The following SFXN1 variants were observed in gnomAD, a reference collection of about 807,000 sequenced individuals.
The protein encoded by SFXN1 is sideroflexin 1.
SFXN1 carries 32 observed loss-of-function variants against 39.5 expected under a neutral mutation model. That is an observed-to-expected ratio of 0.81 (90% CI 0.61 to 1.09). The LOEUF is 1.09. SFXN1 is among the 50% of genes least tolerant of loss of function. The pLI, the probability that SFXN1 is intolerant of heterozygous loss-of-function variation, is 0.00. For missense variants in SFXN1, 402 were observed against 407.1 expected, an observed-to-expected ratio of 0.99 and a Z score of 0.11; for synonymous variants, 136 against 146.5, an observed-to-expected ratio of 0.93 and a Z score of 0.52.
Position 175,497,873 on chromosome 5 carries a change from T to A in SFXN1, c.164+5606T>A, listed in dbSNP as rs574719008. The stretch of plus-strand genomic sequence containing the variant: ...TGAACCCAGGAGGCGGAGGTTGTAG[T>A]GAGCCGAGATTGCGCCACTGCACTC... On this transcript the variant is annotated intron_variant, in intron 2 of 10. Coordinates refer to ENST00000321442, the MANE Select transcript of SFXN1 (RefSeq NM_022754.7). Among the ~76,000 whole-genome samples the A allele has an allele frequency of 2.6e-3, 380 of 147,000 alleles. 1 individual carries two copies. The highest frequency in any genetic ancestry group is 9.2e-3 in the African/African-American group (364 of 39,510).
At chr5:175,513,358 G>T (rs902972571) in intron 6 of SFXN1, 105 bp from the exon 7 acceptor site, 12 of 1,151,804 alleles carry the variant, frequency 1.0e-5, no homozygotes, top group Non-Finnish European at 1.4e-5. Context: ...ACACTTGAGT[G>T]GGTATTTGAA....
intron 2 of SFXN1, among the ~76,000 whole-genome samples, chr5:175,495,346 G>A (rs1301688714): frequency 6.6e-6 from 1 of 152,194 alleles, no homozygotes; most frequent in Non-Finnish European, 1.5e-5. Flanking sequence ...GTTTTAGTTG[G>A]GGAAGATGAA....
At chr5:175,480,226 C>A (rs1759186229) in intron 1 of SFXN1, among the ~76,000 whole-genome samples, 1 of 152,104 alleles carries the variant, frequency 6.6e-6, no homozygotes, top group Non-Finnish European at 1.5e-5. Flanking sequence ...CCGGTGAAAC[C>A]CCGTCTCTAC....
Position 175,528,936 on chromosome 5 carries a change from T to C in SFXN1, c.*2202T>C, listed in dbSNP as rs1761159496. 1 of 152,224 alleles carries C rather than the reference T, an allele frequency of 6.6e-6. No individual in the cohort carries two copies. The allele number at this position is 152,224 out of a possible 1,614,324, so 9.4% of individuals were successfully genotyped here. A position where few individuals can be genotyped will look rare whatever the true frequency, so the allele number is the denominator to read the frequency against. Reference sequence around the variant, plus strand: ...AGAGTCCTCCCCCTACCAGGTAGTGTGTAGCTCCATTTCAGAATGTTAACC... The same window carrying C: ...AGAGTCCTCCCCCTACCAGGTAGTGCGTAGCTCCATTTCAGAATGTTAACC... On this transcript the variant is annotated 3_prime_UTR_variant, in exon 11 of 11. Coordinates refer to ENST00000321442, the MANE Select transcript of SFXN1 (RefSeq NM_022754.7).
intron 1 of SFXN1, chr5:175,484,077 A>G (rs536826158): frequency 6.6e-6 from 1 of 150,484 alleles, no homozygotes; most frequent in Non-Finnish European, 1.5e-5. Context: ...TGGTTTCATG[A>G]TTATTCCTGT....
At chr5:175,524,144 ATATATATATATATATATATATATATATC>A (rs1561678633) in intron 10 of SFXN1, 5 of 29,930 alleles carry the variant, frequency 1.7e-4, no homozygotes, top group Non-Finnish European at 3.1e-4. Flanking sequence ...ATATATATAT[ATATATATATATATATATATATATATATC>A]TCCAATAAGT....
At chr5:175,519,332 G>T (rs1386859167) in intron 8 of SFXN1, among the ~76,000 whole-genome samples, 1 of 152,202 alleles carries the variant, frequency 6.6e-6, no homozygotes, top group African/African-American at 2.4e-5. Context: ...CTATGATCCA[G>T]CCATTTCCTT....
intron 2 of SFXN1, among the ~76,000 whole-genome samples, chr5:175,504,572 T>TG (rs1269569429): frequency 1.5e-5 from 2 of 131,280 alleles, no homozygotes; most frequent in African/African-American, 6.0e-5. Context: ...AGACTCCATC[T>TG]CAAAAAAAAA....
intron 7 of SFXN1, among the ~76,000 whole-genome samples, chr5:175,514,382 C>T (rs1160147044): frequency 6.6e-6 from 1 of 152,194 alleles, no homozygotes; most frequent in African/African-American, 2.4e-5. Flanking sequence ...TTTAGTTCTG[C>T]TGAGAATCTC....
At chr5:175,523,294 G>A (rs1314516343) in intron 10 of SFXN1, 1 of 152,172 alleles carries the variant, frequency 6.6e-6, no homozygotes. Context: ...CTACTGAAGA[G>A]CCCCCCTTGA....
chr5:175,526,124 G>GT (rs35414343), intron 10 of SFXN1, among the ~76,000 whole-genome samples: 3,697 of 127,592 alleles, frequency 0.029, 111 homozygotes, highest in African/African-American at 0.086. Context: ...AAATGTTTTG[G>GT]TTTTTTTTTT....
chr5:175,522,322 G>T, intron 9 of SFXN1, 53 bp from the exon 10 acceptor site: 1 of 1,507,112 alleles, frequency 6.6e-7, no homozygotes. Context: ...AGAAAAATAA[G>T]CTGAAAATTA....
At chr5:175,482,919 GA>G (rs1326401098) in intron 1 of SFXN1, among the ~76,000 whole-genome samples, 1 of 152,132 alleles carries the variant, frequency 6.6e-6, no homozygotes, top group Non-Finnish European at 1.5e-5. Flanking sequence ...AAACCAGCCA[GA>G]AAAAAACAGC....
At chr5:175,511,681 T>C in intron 5 of SFXN1, 155 bp downstream of exon 5, 1 of 661,896 alleles carries the variant, frequency 1.5e-6, no homozygotes, top group South Asian at 1.9e-5. Flanking sequence ...TATCTTCCAA[T>C]AAGTTTGGGA....
chr5:175,479,366 C>G (rs1039031404), intron 1 of SFXN1, among the ~76,000 whole-genome samples: 1 of 152,158 alleles, frequency 6.6e-6, no homozygotes, highest in African/African-American at 2.4e-5. Flanking sequence ...CATGAGAAAA[C>G]TGGGGCTCTG....
chr5:175,510,612 G>T (rs1008705764), intron 4 of SFXN1, among the ~76,000 whole-genome samples: 1 of 152,152 alleles, frequency 6.6e-6, no homozygotes, highest in Non-Finnish European at 1.5e-5. Flanking sequence ...ACAAAGTGTG[G>T]TCTCTGCAGA....
chr5:175,509,266 A>G (rs543084583), intron 3 of SFXN1, 64 bp downstream of exon 3: 2 of 1,476,794 alleles, frequency 1.4e-6, no homozygotes, highest in Non-Finnish European at 1.8e-6. Flanking sequence ...ATATTTTTGT[A>G]TGTAAATAAT....
intron 2 of SFXN1, among the ~76,000 whole-genome samples, chr5:175,505,572 A>ATAATAATAATAATTC (rs1156627589): frequency 2.0e-5 from 3 of 148,042 alleles, no homozygotes; most frequent in Non-Finnish European, 4.5e-5. Context: ...AATAATAATA[A>ATAATAATAATAATTC]TTCTAAGGTT....
intron 2 of SFXN1, among the ~76,000 whole-genome samples, chr5:175,494,061 T>G (rs551203439): frequency 1.3e-5 from 2 of 152,226 alleles, no homozygotes; most frequent in African/African-American, 4.8e-5. Context: ...AAGATAAAAT[T>G]AATTGGTGCT....
Sources: allele counts gnomAD v4.1 joint callset (sites outside exome capture counted in the v4.1 genomes callset), GRCh38; gene constraint gnomAD v4.1.1; transcripts MANE v1.5; gene names NCBI Gene and HGNC (gene_info 2026-07-23, HGNC 2026-07-21).